UNC5D: variants seen among roughly 807,000 people sequenced by gnomAD.
UNC5D encodes unc-5 netrin receptor D.
A neutral mutation model predicts 105.4 loss-of-function variants in UNC5D; 39 were observed. The observed-to-expected ratio is 0.37, with a 90% CI of 0.29 to 0.48. UNC5D has a LOEUF of 0.48. Ranked by LOEUF, UNC5D falls within the 20% of genes least tolerant of loss-of-function variation. The probability of loss-of-function intolerance (pLI) is 0.98; values close to 1 mark genes in which losing one functional copy is unlikely to be tolerated. For synonymous variants in UNC5D, 452 were observed against 450.4 expected (o/e 1.00, Z -0.04); for missense variants, 991 against 1,202.4 (o/e 0.82, Z 2.60).
At chr8:35,321,413 A>G (rs997987453) in intron 1 of UNC5D, among the ~76,000 whole-genome samples, 1 of 152,112 alleles carries the variant, frequency 6.6e-6, no homozygotes, top group African/African-American at 2.4e-5. Context: ...GTAGTGAGTG[A>G]GTCTCACGAG....
intron 1 of UNC5D, among the ~76,000 whole-genome samples, chr8:35,301,135 A>G (rs1334337399): frequency 6.6e-6 from 1 of 152,156 alleles, no homozygotes; most frequent in East Asian, 1.9e-4. Context: ...TACTGATTCC[A>G]GAGATGGAAC....
At chr8:35,725,650 C>A (rs1828818446) in intron 9 of UNC5D, among the ~76,000 whole-genome samples, 1 of 152,046 alleles carries the variant, frequency 6.6e-6, no homozygotes, top group Non-Finnish European at 1.5e-5. Flanking sequence ...GCACAGAATT[C>A]CGTATGAAAT....
intron 13 of UNC5D, among the ~76,000 whole-genome samples, chr8:35,751,401 C>T (rs867039615): frequency 1.3e-5 from 2 of 152,212 alleles, no homozygotes; most frequent in Middle Eastern, 3.4e-3. Flanking sequence ...AATCTTGTGG[C>T]CGATTTGTTA....
At chr8:35,367,553 A>G (rs1035945924) in intron 1 of UNC5D, among the ~76,000 whole-genome samples, 1 of 151,668 alleles carries the variant, frequency 6.6e-6, no homozygotes, top group Non-Finnish European at 1.5e-5. Flanking sequence ...TATTGGGAAC[A>G]TAATAGAACT....
At chr8:35,711,475 G>A (rs927377546) in intron 8 of UNC5D, among the ~76,000 whole-genome samples, 6 of 151,972 alleles carry the variant, frequency 3.9e-5, no homozygotes, top group African/African-American at 1.2e-4. Context: ...CCACCGCGCT[G>A]GCCCCAGCTT....
At chr8:35,243,792 T>A (rs1802934078) in intron 1 of UNC5D, among the ~76,000 whole-genome samples, 1 of 152,206 alleles carries the variant, frequency 6.6e-6, no homozygotes, top group Non-Finnish European at 1.5e-5. Flanking sequence ...TCTCATTCAC[T>A]TTTACTTACC....
chr8:35,663,323 CT>C, intron 4 of UNC5D, among the ~76,000 whole-genome samples: 1 of 152,042 alleles, frequency 6.6e-6, no homozygotes, highest in Non-Finnish European at 1.5e-5. Flanking sequence ...CTAGGTATCC[CT>C]TCTGTCCTTA....
chr8:35,421,974 C>A (rs941776265), intron 1 of UNC5D, among the ~76,000 whole-genome samples: 1 of 152,178 alleles, frequency 6.6e-6, no homozygotes, highest in African/African-American at 2.4e-5. Context: ...GAATAATATA[C>A]CTTCTACTTT....
chr8:35,724,068 GGATGCCAGCGT>G, intron 9 of UNC5D: 1 of 1,301,540 alleles, frequency 7.7e-7, no homozygotes, highest in South Asian at 2.0e-5. Context: ...CCCTAGTACA[GGATGCCAGCGT>G]GTTCCGTGGA....
At chr8:35,544,496 T>G in intron 1 of UNC5D, 1 of 1,613,666 alleles carries the variant, frequency 6.2e-7, no homozygotes, top group Non-Finnish European at 8.5e-7. Context: ...TGCTGGGACT[T>G]CCGGGTTCCT....
intron 3 of UNC5D, among the ~76,000 whole-genome samples, chr8:35,574,861 A>T (rs1208569916): frequency 6.6e-6 from 1 of 151,546 alleles, no homozygotes; most frequent in African/African-American, 2.4e-5. Context: ...CCCCTCCTTG[A>T]CTTGCTTATC....
chr8:35,602,702 T>C (rs1819978150), intron 4 of UNC5D, among the ~76,000 whole-genome samples: 1 of 152,194 alleles, frequency 6.6e-6, no homozygotes, highest in African/African-American at 2.4e-5. Context: ...TCTTCTTTAT[T>C]AGTCTTGCTA....
intron 7 of UNC5D, among the ~76,000 whole-genome samples, chr8:35,696,082 G>A (rs561627885): frequency 6.6e-6 from 1 of 152,060 alleles, no homozygotes; most frequent in South Asian, 2.1e-4. Flanking sequence ...CTTTCTCAAT[G>A]GAGTCAGGAG....
At position 35,329,197 on chromosome 8, in the gene UNC5D, C is replaced by CT. The variant is rs1810407163; in HGVS notation, c.103+93311dup. On this transcript the variant is annotated intron_variant, in intron 1 of 16. Transcript: ENST00000404895. ...GTGCTCAGAGAGGTTAAATAACATG[C>CT]TCAAAGTCAACCAAAATTTGATTTT... 2.0e-5 allele frequency among the ~76,000 whole-genome samples: 3 copies of CT among 152,122 alleles called. No individual in the cohort carries two copies. The South Asian group carries it at 6.2e-4, about 32-fold the overall frequency.
chr8:35,533,206 A>G (rs35293640), intron 1 of UNC5D, among the ~76,000 whole-genome samples: 2 of 152,162 alleles, frequency 1.3e-5, no homozygotes, highest in East Asian at 1.9e-4. Context: ...TGATGCTGGT[A>G]ATGTACAAAT....
chr8:35,317,309 C>T (rs1257365170), intron 1 of UNC5D, among the ~76,000 whole-genome samples: 1 of 152,056 alleles, frequency 6.6e-6, no homozygotes, highest in Admixed American at 6.6e-5. Context: ...TAGATAACAC[C>T]TCTTCTCAAA....
chr8:35,294,594 G>A (rs886080668), intron 1 of UNC5D, among the ~76,000 whole-genome samples: 2 of 151,904 alleles, frequency 1.3e-5, no homozygotes, highest in Non-Finnish European at 2.9e-5. Flanking sequence ...CCACATAAAA[G>A]CTGCATTTTC....
In UNC5D at chr8:35,532,209, G is replaced by A. The variant is rs1375963509; in HGVS notation, c.104-17083G>A. 3.9e-4 allele frequency among the ~76,000 whole-genome samples: 58 copies of A among 150,198 alleles called. 1 individual carries two copies. Among genetic ancestry groups the A allele is most frequent in the African/African-American group, 1.3e-3 (54 of 40,588 alleles). ...CCGGTTGTTCCTTTCCATGTTTAGC[G>A]CTTCCTTCAGGAGGTCTTTTAGGGC... On this transcript the variant is annotated intron_variant, in intron 1 of 16. Transcript: ENST00000404895.
At chr8:35,459,596 G>A (rs893434587) in intron 1 of UNC5D, among the ~76,000 whole-genome samples, 1 of 152,120 alleles carries the variant, frequency 6.6e-6, no homozygotes, top group Non-Finnish European at 1.5e-5. Flanking sequence ...GAATTAAGAA[G>A]ATTCATAGCC....
Sources: allele counts gnomAD v4.1 joint callset (sites outside exome capture counted in the v4.1 genomes callset), GRCh38; gene constraint gnomAD v4.1.1; transcripts MANE v1.5; gene names NCBI Gene and HGNC (gene_info 2026-07-23, HGNC 2026-07-21).